The following LEPROTL1 variants were observed in gnomAD, a reference collection of about 807,000 sequenced individuals.
The protein encoded by LEPROTL1 is leptin receptor overlapping transcript like 1.
LEPROTL1 carries 6 observed loss-of-function variants against 15.4 expected under a neutral mutation model. The ratio of observed to expected loss-of-function variants is 0.39; its 90% CI spans 0.21 to 0.77. The LOEUF (loss-of-function observed/expected upper bound fraction) is 0.77. Among genes scored for constraint, LEPROTL1 ranks in the 30% least tolerant of loss-of-function variants. The pLI, the probability that LEPROTL1 is intolerant of heterozygous loss-of-function variation, is 0.41. For synonymous variants in LEPROTL1, 56 were observed against 52.6 expected, an observed-to-expected ratio of 1.06 and a Z score of -0.28; for missense variants, 128 against 158.1, an observed-to-expected ratio of 0.81 and a Z score of 1.02.
rs1563214793 is a variant in LEPROTL1 at position 30,107,356 on chromosome 8, A to G, written c.*1494A>G. The stretch of plus-strand genomic sequence containing the variant: ...ATAAAAACATTCAAGTTGGTCTGAC[A>G]GTATTTTGTTAAGGATATTTGTTTG... On this transcript the variant is annotated 3_prime_UTR_variant, in exon 4 of 4. Transcript: ENST00000321250. 6 of 985,652 alleles carry G rather than the reference A, an allele frequency of 6.1e-6. 1 individual carries two copies. The South Asian group carries it at 2.3e-4, about 39-fold the overall frequency. 61.1% of individuals were successfully genotyped at this position (985,652 alleles called of 1,614,324 possible).
Position 30,101,907 on chromosome 8 carries a change from G to C in LEPROTL1, c.26G>C (p.Ser9Thr), listed in dbSNP as rs761706507. 1 of 1,603,646 alleles carries C rather than the reference G, an allele frequency of 6.2e-7. No homozygotes were observed. The highest frequency in any genetic ancestry group is 8.5e-7 in the Non-Finnish European group (1 of 1,172,946). MAGIKALI[S>T]LSFGGAIGLM... ...TTTATTTGCTTTGCAGCTTTGATTA[G>C]TTTGTCCTTTGGAGGAGCAATCGGA... The change falls in exon 2 of 4, where the codon AGT becomes ACT. Residue 9 changes from serine (S) to threonine (T), a missense_variant. Physicochemically the swap from Ser to Thr is moderately conservative, Grantham distance 58. Coordinates refer to ENST00000321250, the MANE Select transcript of LEPROTL1 (RefSeq NM_015344.3).
At chr8:30,119,330 T>C (rs1802792216) in intron 3 of LEPROTL1, among the ~76,000 whole-genome samples, 2 of 152,218 alleles carry the variant, frequency 1.3e-5, no homozygotes, top group Admixed American at 6.5e-5. Flanking sequence ...GAGTTTCTTA[T>C]GTCTTCCCTT....
chr8:30,107,578 T>C lies in LEPROTL1; in HGVS notation c.*1716T>C, dbSNP rs1288503253. On this transcript the variant is annotated 3_prime_UTR_variant, in exon 4 of 4. Transcript: ENST00000321250. ...TAACTTAAGCCATGACTTTTAGATA[T>C]GAGATGACGGGAAGCAGGACGAAAT... The C allele has an allele frequency of 9.1e-6, 9 of 985,732 alleles. No individual in the cohort carries two copies. Among genetic ancestry groups the C allele is most frequent in the Non-Finnish European group, 1.1e-5 (9 of 829,934 alleles). 61.1% of individuals were successfully genotyped at this position (985,732 alleles called of 1,614,324 possible).
At chr8:30,133,049 A>G in intron 4 of LEPROTL1, 1 of 620,080 alleles carries the variant, frequency 1.6e-6, no homozygotes, top group Non-Finnish European at 2.5e-6. Flanking sequence ...GACCCCACAC[A>G]AAATAAATCT....
intron 3 of LEPROTL1, among the ~76,000 whole-genome samples, chr8:30,120,962 A>G (rs1802819846): frequency 6.6e-6 from 1 of 152,134 alleles, no homozygotes; most frequent in Non-Finnish European, 1.5e-5. Flanking sequence ...CTCGCATGAC[A>G]AACTCTACTC....
At chr8:30,110,281 G>A (rs1330481699), downstream of LEPROTL1, among the ~76,000 whole-genome samples, 3 of 152,098 alleles carry the variant, frequency 2.0e-5, no homozygotes, top group African/African-American at 7.2e-5. Flanking sequence ...ATCCAAACCT[G>A]TTTCTATGAG....
chr8:30,137,000 T>C (rs1035939381), intron 4 of LEPROTL1, among the ~76,000 whole-genome samples: 5 of 151,692 alleles, frequency 3.3e-5, no homozygotes, highest in African/African-American at 9.7e-5. Flanking sequence ...AAATAGTCTT[T>C]ACAGGAAAAT....
intron 3 of LEPROTL1, chr8:30,132,302 G>A (rs1341458787): frequency 6.4e-7 from 1 of 1,551,766 alleles, no homozygotes; most frequent in East Asian, 2.4e-5. Flanking sequence ...TGGAATACAA[G>A]CCGTCGGAGC....
rs1195790744 is a variant in LEPROTL1, at chr8:30,108,193, C to T, written c.*2331C>T. On this transcript the variant is annotated 3_prime_UTR_variant, in exon 4 of 4. Transcript: ENST00000321250. ...TGTAATGTTAGAGTTGCAGAAGTTT[C>T]CATTCCAAAATAAAATGGAAACCAT... 8 of 200,462 alleles carry T rather than the reference C, an allele frequency of 4.0e-5. No individual in the cohort carries two copies. In the Admixed American group the frequency reaches 5.2e-4, roughly 13 times the overall value. The allele number at this position is 200,462 out of a possible 1,614,324, so 12.4% of individuals were successfully genotyped here.
chr8:30,105,894 T>A lies in LEPROTL1; in HGVS notation c.*32T>A, dbSNP rs921426286. 3 of 1,462,456 alleles carry A rather than the reference T, an allele frequency of 2.1e-6. No individual in the cohort carries two copies. 90.6% of individuals were successfully genotyped at this position (1,462,456 alleles called of 1,614,324 possible). ...ATTACTGAACTATTGTCAAATGGAC[T>A]TCCTGTCATTTGTTGGCCATTCACG... On this transcript the variant is annotated 3_prime_UTR_variant, in exon 4 of 4. Coordinates refer to ENST00000321250, the MANE Select transcript of LEPROTL1 (RefSeq NM_015344.3).
rs1201492825 is a variant in LEPROTL1, at chr8:30,106,579, G to T, written c.*717G>T. On this transcript the variant is annotated 3_prime_UTR_variant, in exon 4 of 4. Transcript: ENST00000321250. ...AATTTATGTTAAACTTTAAGGTAAG[G>T]GTGTAAAAACATTTTTGAGATAAGG... 2 of 983,082 alleles carry T rather than the reference G, an allele frequency of 2.0e-6. No homozygotes were observed. The highest frequency in any genetic ancestry group is 2.4e-6 in the Non-Finnish European group (2 of 828,414). The allele number at this position is 983,082 out of a possible 1,614,324, so 60.9% of individuals were successfully genotyped here.
chr8:30,104,474 C>A lies in LEPROTL1; in HGVS notation c.267C>A (p.Ala89=). ...VSAFGLPIVF[A]RAHLIEWGAC... ...CTTTTGGACTCCCTATTGTATTTGC[C>A]AGAGCACATCTGGTAAGTGAATATA... is the stretch of plus-strand genomic sequence containing the variant. Residue 89 remains alanine (A), a synonymous_variant, in exon 3 of 4, where the codon GCC becomes GCA. Transcript: ENST00000321250. 1.3e-6 allele frequency: 2 copies of A among 1,597,796 alleles called. No individual in the cohort carries two copies. The highest frequency in any genetic ancestry group is 1.7e-6 in the Non-Finnish European group (2 of 1,172,170).
At position 30,108,102 on chromosome 8, in the gene LEPROTL1, T is replaced by C. The variant is rs995424107; in HGVS notation, c.*2240T>C. ...TGGGTGTTTTTGAAATGAAAATATATGGCACACTTTCATTCTGAAGTGCAT... is the reference window on the plus strand; with the variant it reads ...TGGGTGTTTTTGAAATGAAAATATACGGCACACTTTCATTCTGAAGTGCAT... On this transcript the variant is annotated 3_prime_UTR_variant, in exon 4 of 4. Transcript: ENST00000321250. The C allele has an allele frequency of 9.2e-6, 6 of 652,614 alleles. No individual in the cohort carries two copies. The highest frequency in any genetic ancestry group is 1.1e-5 in the Non-Finnish European group (6 of 526,110). The allele number at this position is 652,614 out of a possible 1,614,324, so 40.4% of individuals were successfully genotyped here. A position where few individuals can be genotyped will look rare whatever the true frequency, so the allele number is the denominator to read the frequency against.
chr8:30,128,808 A>G (rs1802945679), intron 3 of LEPROTL1, among the ~76,000 whole-genome samples: 1 of 151,070 alleles, frequency 6.6e-6, no homozygotes, highest in African/African-American at 2.4e-5. Context: ...GCACACATCT[A>G]AAGTGTACCT....
chr8:30,116,467 C>A (rs151149938), intron 3 of LEPROTL1, among the ~76,000 whole-genome samples: 2 of 152,304 alleles, frequency 1.3e-5, no homozygotes, highest in Non-Finnish European at 2.9e-5. Context: ...AGATCCCTCG[C>A]ATGTGCAATT....
Position 30,107,861 on chromosome 8 carries a change from A to G in LEPROTL1, c.*1999A>G. 1 of 985,326 alleles carries G rather than the reference A, an allele frequency of 1.0e-6. No individual in the cohort carries two copies. The highest frequency in any genetic ancestry group is 1.2e-6 in the Non-Finnish European group (1 of 829,870). 61.0% of individuals were successfully genotyped at this position (985,326 alleles called of 1,614,324 possible). Reference sequence around the variant, plus strand: ...CACTTGGCCACAGACTTTTTCTAACAGCTGCGTATTATTTCTATATACTAA... The same window carrying G: ...CACTTGGCCACAGACTTTTTCTAACGGCTGCGTATTATTTCTATATACTAA... On this transcript the variant is annotated 3_prime_UTR_variant, in exon 4 of 4. Coordinates refer to ENST00000321250, the MANE Select transcript of LEPROTL1 (RefSeq NM_015344.3).
At chr8:30,116,320 C>T (rs1328096698) in intron 3 of LEPROTL1, among the ~76,000 whole-genome samples, 1 of 152,116 alleles carries the variant, frequency 6.6e-6, no homozygotes, top group Non-Finnish European at 1.5e-5. Flanking sequence ...TCAGCAGTCC[C>T]CAATCTTGTT....
rs1365554181 is a variant in LEPROTL1, at chr8:30,106,117, A to T, written c.*255A>T. On this transcript the variant is annotated 3_prime_UTR_variant, in exon 4 of 4. Transcript: ENST00000321250. ...GTATGCTTTTTGTGGTGTCCTGCTG[A>T]ATTTAAATATTTATGTGTTTTTCCT... The T allele has an allele frequency of 9.8e-7, 1 of 1,022,754 alleles. No homozygotes were observed. Among genetic ancestry groups the T allele is most frequent in the African/African-American group, 1.7e-5 (1 of 58,486 alleles). 63.4% of individuals were successfully genotyped at this position (1,022,754 alleles called of 1,614,324 possible). A position where few individuals can be genotyped will look rare whatever the true frequency, so the allele number is the denominator to read the frequency against.
chr8:30,107,619 G>T lies in LEPROTL1; in HGVS notation c.*1757G>T. 1.0e-6 allele frequency: 1 copy of T among 985,838 alleles called. No individual in the cohort carries two copies. Among genetic ancestry groups the T allele is most frequent in the Non-Finnish European group, 1.2e-6 (1 of 829,928 alleles). 61.1% of individuals were successfully genotyped at this position (985,838 alleles called of 1,614,324 possible). A position where few individuals can be genotyped will look rare whatever the true frequency, so the allele number is the denominator to read the frequency against. The stretch of plus-strand genomic sequence containing the variant: ...AGGACGAAATATCGGCGTGTGGCTG[G>T]AGCCTTCCCACTGGAGGCTGAAAGT... On this transcript the variant is annotated 3_prime_UTR_variant, in exon 4 of 4. Coordinates refer to ENST00000321250, the MANE Select transcript of LEPROTL1 (RefSeq NM_015344.3).
Sources: allele counts gnomAD v4.1 joint callset (sites outside exome capture counted in the v4.1 genomes callset), GRCh38; gene constraint gnomAD v4.1.1; transcripts MANE v1.5; gene names NCBI Gene and HGNC (gene_info 2026-07-23, HGNC 2026-07-21).